The following PFKFB3 variants were observed in gnomAD, a reference collection of about 807,000 sequenced individuals.
PFKFB3 encodes the protein 6-phosphofructo-2-kinase/fructose-2,6-biphosphatase 3.
A neutral mutation model predicts 68.0 loss-of-function variants in PFKFB3; 33 were observed. That is an observed-to-expected ratio of 0.49 (90% CI 0.37 to 0.65). PFKFB3 has a LOEUF of 0.65. PFKFB3 is among the 30% of genes least tolerant of loss of function. PFKFB3 has a pLI of 0.00. For missense variants in PFKFB3, 586 were observed against 712.2 expected (o/e 0.82, Z 2.02); for synonymous variants, 315 against 288.2 (o/e 1.09, Z -0.94).
chr10:6,236,587 G>T (rs1413714189), downstream of PFKFB3, among the ~76,000 whole-genome samples: 1 of 152,268 alleles, frequency 6.6e-6, no homozygotes, highest in Non-Finnish European at 1.5e-5. Flanking sequence ...CGATCTGGCT[G>T]CAGCGTGACG....
At chr10:6,169,051 T>C (rs79660736) in intron 1 of PFKFB3, among the ~76,000 whole-genome samples, 1,649 of 152,216 alleles carry the variant, frequency 0.011, 70 homozygotes, top group East Asian at 0.099. Context: ...AGCAATTATC[T>C]TGCCTCAGCC....
intron 14 of PFKFB3, among the ~76,000 whole-genome samples, chr10:6,226,854 G>C (rs866234913): frequency 3.9e-5 from 6 of 152,260 alleles, no homozygotes; most frequent in African/African-American, 1.4e-4. Flanking sequence ...GGGAGGCCGA[G>C]GTGGGCGGAT....
the PFKFB3 span, among the ~76,000 whole-genome samples, chr10:6,260,210 G>C: frequency 6.6e-6 from 1 of 151,934 alleles, no homozygotes; most frequent in Non-Finnish European, 1.5e-5. Flanking sequence ...TCAGGAGATC[G>C]AGACCATCCT....
At chr10:6,179,526 G>A (rs193065208) in intron 1 of PFKFB3, among the ~76,000 whole-genome samples, 50 of 152,288 alleles carry the variant, frequency 3.3e-4, no homozygotes, top group African/African-American at 1.1e-3. Flanking sequence ...TCCCTAGCGA[G>A]CCCCCCGGGA....
At chr10:6,201,162 C>G (rs1030479791), upstream of PFKFB3, among the ~76,000 whole-genome samples, 6 of 151,990 alleles carry the variant, frequency 3.9e-5, no homozygotes, top group African/African-American at 1.5e-4. This position sits in a 1 kb window ranked among gnomAD's most constrained non-coding sequence, Gnocchi z 4.1. Context: ...CCCCCGCGAA[C>G]CCCAGGGCGG....
chr10:6,177,376 C>CT (rs1185276272), intron 1 of PFKFB3, among the ~76,000 whole-genome samples: 2 of 109,088 alleles, frequency 1.8e-5, no homozygotes, highest in African/African-American at 5.8e-5. Context: ...TTCTTTCTTT[C>CT]TTTCTTTCTT....
Position 6,220,631 on chromosome 10 carries a change from G to T in PFKFB3, c.624-27G>T, listed in dbSNP as rs1844886566. ...CCTGCTGTGGGTGGTGGCCTGAGCT[G>T]TGGTTCTCGGTGGGGTCTCTCTGCA... On this transcript the variant is annotated intron_variant, in intron 7 of 14. Transcript: ENST00000379775. The surrounding 1 kb of genome is among the most constrained non-coding windows in gnomAD (Gnocchi z 4.1). 1 of 1,607,988 alleles carries T rather than the reference G, an allele frequency of 6.2e-7. No individual in the cohort carries two copies.
At chr10:6,232,094 G>A (rs1036734074) in intron 14 of PFKFB3, among the ~76,000 whole-genome samples, 6 of 152,214 alleles carry the variant, frequency 3.9e-5, no homozygotes, top group Admixed American at 2.6e-4. Flanking sequence ...GAGCAGTCCA[G>A]GTGGAGACAC....
intron 1 of PFKFB3, among the ~76,000 whole-genome samples, chr10:6,211,987 G>C (rs570890947): frequency 6.6e-6 from 1 of 152,214 alleles, no homozygotes; most frequent in African/African-American, 2.4e-5. Context: ...CTTCTTTCCT[G>C]AGCTGCGGCC....
the PFKFB3 span, among the ~76,000 whole-genome samples, chr10:6,302,362 GTTTTTT>G: frequency 2.0e-4 from 16 of 78,508 alleles, 2 homozygotes; most frequent in African/African-American, 3.2e-4. Context: ...TGCCTGGCCA[GTTTTTT>G]TTTTTTTTTT....
chr10:6,267,428 T>C, the PFKFB3 span, among the ~76,000 whole-genome samples: 1 of 152,212 alleles, frequency 6.6e-6, no homozygotes, highest in East Asian at 1.9e-4. Flanking sequence ...TACAGGGAAG[T>C]AGGAGGTCAG....
Position 6,220,940 on chromosome 10 carries a change from G to GTC in PFKFB3, c.831+76_831+77insCT, listed in dbSNP as rs1308666175. On this transcript the variant is annotated intron_variant, in intron 8 of 14. Coordinates refer to ENST00000379775, the MANE Select transcript of PFKFB3 (RefSeq NM_004566.4). The surrounding 1 kb of genome is among the most constrained non-coding windows in gnomAD (Gnocchi z 4.1). ...GGGTCTATAGGGTGGGTGGGGAGCT[G>GTC]TGTGCTGCTGCTGCTGCTGCTGCTG... 8.2e-7 allele frequency: 1 copy of GTC among 1,217,422 alleles called. No individual in the cohort carries two copies. Among genetic ancestry groups the GTC allele is most frequent in the African/African-American group, 1.8e-5 (1 of 55,818 alleles). 75.4% of individuals were successfully genotyped at this position (1,217,422 alleles called of 1,614,324 possible). A position where few individuals can be genotyped will look rare whatever the true frequency, so the allele number is the denominator to read the frequency against.
At chr10:6,164,646 G>GTATT (rs1316447062) in intron 1 of PFKFB3, among the ~76,000 whole-genome samples, 5 of 152,166 alleles carry the variant, frequency 3.3e-5, no homozygotes, top group African/African-American at 7.2e-5. Flanking sequence ...AGTTCCCTCA[G>GTATT]TATTGATCAT....
the PFKFB3 span, among the ~76,000 whole-genome samples, chr10:6,290,922 A>G: frequency 6.6e-6 from 1 of 152,118 alleles, no homozygotes; most frequent in Non-Finnish European, 1.5e-5. Flanking sequence ...GAAAATTTTC[A>G]TCCATTATTA....
At chr10:6,254,808 CTTTTTTTTTTT>C (rs144888417), downstream of PFKFB3, among the ~76,000 whole-genome samples, 20 of 61,636 alleles carry the variant, frequency 3.2e-4, no homozygotes, top group East Asian at 5.7e-4. Context: ...TTTTTCTGTT[CTTTTTTTTTTT>C]TTTTTTTTTT....
chr10:6,203,572 G>A (rs1449688710), intron 1 of PFKFB3, among the ~76,000 whole-genome samples: 1 of 151,652 alleles, frequency 6.6e-6, no homozygotes, highest in Non-Finnish European at 1.5e-5. Context: ...CGGCCGGGCT[G>A]CGTACCCCGA....
intron 1 of PFKFB3, among the ~76,000 whole-genome samples, chr10:6,206,155 C>T (rs1162017789): frequency 1.1e-4 from 16 of 146,436 alleles, no homozygotes; most frequent in South Asian, 4.5e-4. Context: ...TGATGACTCT[C>T]AACGAGCATG....
At chr10:6,151,597 G>A (rs965861100) in intron 1 of PFKFB3, among the ~76,000 whole-genome samples, 13 of 152,142 alleles carry the variant, frequency 8.5e-5, no homozygotes, top group Admixed American at 4.6e-4. Context: ...CTGACCCCTG[G>A]CGATCAGATT....
the PFKFB3 span, among the ~76,000 whole-genome samples, chr10:6,284,623 T>C: frequency 6.6e-6 from 1 of 152,240 alleles, no homozygotes; most frequent in East Asian, 1.9e-4. Flanking sequence ...ACTATTTTAA[T>C]GTGTACAGTT....
Sources: allele counts gnomAD v4.1 joint callset (sites outside exome capture counted in the v4.1 genomes callset), GRCh38; gene constraint gnomAD v4.1.1; non-coding constraint Gnocchi (gnomAD v3.1); transcripts MANE v1.5; gene names NCBI Gene and HGNC (gene_info 2026-07-23, HGNC 2026-07-21).